Variants in BRCA1 observed in about 807,000 individuals in gnomAD.
The protein encoded by BRCA1 is breast cancer type 1 susceptibility protein.
A neutral mutation model predicts 173.7 loss-of-function variants in BRCA1; 140 were observed. That is an observed-to-expected ratio of 0.81 (90% CI 0.70 to 0.93). The LOEUF is 0.93. BRCA1 is among the 40% of genes least tolerant of loss of function. BRCA1 has a pLI of 0.00. For synonymous variants in BRCA1, 662 were observed against 756.0 expected (o/e 0.88, Z 2.04); for missense variants, 1,983 against 2,172.5 (o/e 0.91, Z 1.73).
At chr17:43,124,179 ATT>A (rs1398749781) in intron 1 of BRCA1, 64 bp from the exon 2 acceptor site, 26 of 935,486 alleles carry the variant, frequency 2.8e-5, no homozygotes, top group Non-Finnish European at 4.1e-5. Flanking sequence ...TGACAACTTC[ATT>A]TTATCATTTT....
At chr17:43,141,463 C>G (rs535517294) in intron 1 of BRCA1, among the ~76,000 whole-genome samples, 184 of 148,582 alleles carry the variant, frequency 1.2e-3, no homozygotes, top group African/African-American at 4.1e-3. Flanking sequence ...ACATCAAGAC[C>G]CTGTCTCAAA....
At chr17:43,073,572 A>C (rs962702690) in intron 14 of BRCA1, among the ~76,000 whole-genome samples, 2 of 152,148 alleles carry the variant, frequency 1.3e-5, no homozygotes, top group African/African-American at 4.8e-5. Flanking sequence ...CAAGCCATAA[A>C]ACACCATTCA....
intron 10 of BRCA1, 165 bp from the exon 11 acceptor site, chr17:43,091,197 C>A (rs888595614): frequency 2.3e-6 from 2 of 888,156 alleles, no homozygotes; most frequent in Admixed American, 4.1e-5. Context: ...TAAAATGAAA[C>A]CAGAAGTAAG....
intron 11 of BRCA1, among the ~76,000 whole-genome samples, chr17:43,090,738 G>T (rs2053418849): frequency 6.7e-6 from 1 of 149,384 alleles, no homozygotes. Flanking sequence ...TAGGCTGTGT[G>T]TGCGCGTGTG....
rs560592253 is a variant in BRCA1, at chr17:43,119,760, T to A, written c.81-3981A>T. On this transcript the variant is annotated intron_variant, in intron 2 of 22. Transcript: ENST00000357654. ...AAGAAATTCTCCGTAAAAGAAAAAT[T>A]GGATTCAGTTATCATACCAGATGGC... Among the ~76,000 whole-genome samples the A allele has an allele frequency of 6.6e-5, 10 of 152,306 alleles. No homozygotes were observed. The East Asian group carries it at 1.9e-3, about 29-fold the overall frequency.
chr17:43,167,723 G>C (rs1263008792), intron 1 of BRCA1: 1 of 152,408 alleles, frequency 6.6e-6, no homozygotes, highest in South Asian at 2.1e-4. Flanking sequence ...GGATGGTCTC[G>C]ATCTCCTGAC....
At position 43,071,071 on chromosome 17, in the gene BRCA1, C is replaced by T. The variant is rs80356987; in HGVS notation, c.4843G>A (p.Ala1615Thr). 6.2e-6 allele frequency: 10 copies of T among 1,614,058 alleles called. No individual in the cohort carries two copies. The highest frequency in any genetic ancestry group is 8.5e-6 in the Non-Finnish European group (10 of 1,180,038). The change falls in exon 15 of 23, where the codon GCT becomes ACT. Residue 1615 changes from alanine (A) to threonine (T), a missense_variant. Ala to Thr is a moderately conservative substitution (Grantham distance 58, BLOSUM62 0). Coordinates refer to ENST00000357654, the MANE Select transcript of BRCA1 (RefSeq NM_007294.4). ...GCAGTATCAGTAGTATGAGCAGCAG[C>T]TGGACTCTGGGCAGATTCTGCAACT... is the stretch of plus-strand genomic sequence containing the variant. ...LKVAESAQSP[A>T]AAHTTDTAGY...
In BRCA1 at chr17:43,092,923, C is replaced by G. The variant is rs753256448; in HGVS notation, c.2608G>C (p.Ala870Pro). Residue 870 changes from alanine to proline, a missense_variant, in exon 10 of 23, where the codon GCT becomes CCT. By Grantham distance (27) the Ala-to-Pro change is conservative. Transcript: ENST00000357654. ...GCATTTCCTGGATTTGAAAACGGAG[C>G]AAATGACTGGCGCTTTGAAACCTTG... The part of the protein sequence containing the change: ...TFKVSKRQSF[A>P]PFSNPGNAEE... The G allele has an allele frequency of 6.2e-7, 1 of 1,613,772 alleles. No individual in the cohort carries two copies. The highest frequency in any genetic ancestry group is 8.5e-7 in the Non-Finnish European group (1 of 1,179,958).
intron 3 of BRCA1, among the ~76,000 whole-genome samples, chr17:43,107,451 G>C (rs979650095): frequency 6.8e-6 from 1 of 147,738 alleles, no homozygotes; most frequent in Non-Finnish European, 1.5e-5. Flanking sequence ...CACAATCTCA[G>C]CTCACTACAA....
At chr17:43,051,618 A>C (rs2051240961) in intron 19 of BRCA1, among the ~76,000 whole-genome samples, 1 of 150,714 alleles carries the variant, frequency 6.6e-6, no homozygotes, top group South Asian at 2.1e-4. Flanking sequence ...TTAGGTGTAC[A>C]TGCTCCTTGT....
rs80357381 is a variant in BRCA1 at position 43,093,128 on chromosome 17, A to C, written c.2403T>G (p.Cys801Trp). 1 of 1,613,510 alleles carries C rather than the reference A, an allele frequency of 6.2e-7. No homozygotes were observed. Among genetic ancestry groups the C allele is most frequent in the Non-Finnish European group, 8.5e-7 (1 of 1,179,872 alleles). Reference sequence around the variant, plus strand: ...TTTCAAATGCTGCACACTGACTCACACATTTATTTGGTTCTGTTTTTGCCT... The same window carrying C: ...TTTCAAATGCTGCACACTGACTCACCCATTTATTTGGTTCTGTTTTTGCCT... ...LGKAKTEPNK[C>W]VSQCAAFENP... is the part of the protein sequence containing the mutation. Residue 801 changes from cysteine (C) to tryptophan (W), a missense_variant, in exon 10 of 23, where the codon TGT becomes TGG. Coordinates refer to ENST00000357654, the MANE Select transcript of BRCA1 (RefSeq NM_007294.4).
In BRCA1 at chr17:43,082,113, C is replaced by T. The variant is rs147946603; in HGVS notation, c.4357+291G>A. On this transcript the variant is annotated intron_variant, in intron 12 of 22. Transcript: ENST00000357654. ...TTGCCTGTCACCAATTTCTCCCATT[C>T]CACTTAGCTTCCAATAGAGCAAGAG... Among the ~76,000 whole-genome samples, 296 of 152,330 alleles carry T rather than the reference C, an allele frequency of 1.9e-3. 1 individual carries two copies. The highest frequency in any genetic ancestry group is 0.017 in the Middle Eastern group (5 of 294).
intron 19 of BRCA1, among the ~76,000 whole-genome samples, chr17:43,053,940 G>A (rs370199866): frequency 2.0e-5 from 3 of 150,846 alleles, no homozygotes; most frequent in South Asian, 4.2e-4. Flanking sequence ...TTGTACTTCA[G>A]CCTGGGCAAG....
Position 43,044,941 on chromosome 17 carries a change from T to A in BRCA1, c.*737A>T. On this transcript the variant is annotated 3_prime_UTR_variant, in exon 23 of 23. Transcript: ENST00000357654. ...GCCTTAGCCACCTGAGTAGCTGGGA[T>A]TACAGGTGTCCACCACCATGACCGG... 2 of 476,470 alleles carry A rather than the reference T, an allele frequency of 4.2e-6. No homozygotes were observed. Among genetic ancestry groups the A allele is most frequent in the South Asian group, 3.2e-5 (2 of 62,076 alleles). 29.5% of individuals were successfully genotyped at this position (476,470 alleles called of 1,614,324 possible).
upstream of BRCA1, among the ~76,000 whole-genome samples, chr17:43,126,873 A>C (rs1756072672): frequency 6.6e-6 from 1 of 151,918 alleles, no homozygotes; most frequent in Non-Finnish European, 1.5e-5. Context: ...GGCTGCGCGC[A>C]GCGCTCGCCA....
intron 1 of BRCA1, chr17:43,164,764 C>A (rs2056256873): frequency 6.6e-6 from 1 of 152,106 alleles, no homozygotes; most frequent in Non-Finnish European, 1.5e-5. Flanking sequence ...TTCTTTCCAC[C>A]TTTCGATGAG....
At chr17:43,109,794 A>G (rs1045297913) in intron 3 of BRCA1, among the ~76,000 whole-genome samples, 2 of 152,216 alleles carry the variant, frequency 1.3e-5, no homozygotes, top group Admixed American at 1.3e-4. Context: ...AATATAGTAC[A>G]GTAGAGTGAC....
intron 1 of BRCA1, chr17:43,163,135 G>A (rs1211419785): frequency 1.3e-5 from 2 of 152,208 alleles, no homozygotes; most frequent in Non-Finnish European, 2.9e-5. Context: ...TTTCCTAAGG[G>A]TTAGTTTATC....
intron 3 of BRCA1, among the ~76,000 whole-genome samples, chr17:43,113,777 CTT>C: frequency 6.6e-6 from 1 of 152,228 alleles, no homozygotes; most frequent in Non-Finnish European, 1.5e-5. Flanking sequence ...CTTAATCTCT[CTT>C]TTTTTGTTAA....
Sources: gnomAD v4.1 joint callset for allele counts (sites outside exome capture counted in the v4.1 genomes callset) on GRCh38, gnomAD v4.1.1 for gene constraint, MANE v1.5 for transcripts, NCBI Gene and HGNC (gene_info 2026-07-23, HGNC 2026-07-21) for gene names.